CCDC171: variants seen among roughly 807,000 people sequenced by gnomAD.
The protein encoded by CCDC171 is coiled-coil domain containing 171.
In CCDC171, 177 loss-of-function variants were observed where a neutral mutation model predicts 168.2. That is an observed-to-expected ratio of 1.05 (90% confidence interval 0.93 to 1.19). CCDC171 has a LOEUF of 1.19. Ranked by LOEUF, CCDC171 falls within the 50% of genes most tolerant of loss-of-function variation. The pLI is 0.00. For synonymous variants in CCDC171, 687 were observed against 540.8 expected, an observed-to-expected ratio of 1.27 and a Z score of -3.75; for missense variants, 1,991 against 1,539.0, an observed-to-expected ratio of 1.29 and a Z score of -4.91.
intron 3 of CCDC171, among the ~76,000 whole-genome samples, chr9:15,990,259 A>G (rs1430497312): frequency 6.6e-6 from 1 of 151,326 alleles, no homozygotes; most frequent in East Asian, 1.9e-4. Context: ...CCAGAAGAGA[A>G]GTGGGGGCCA....
the CCDC171 span, among the ~76,000 whole-genome samples, chr9:16,091,392 G>C: frequency 6.6e-6 from 1 of 152,240 alleles, no homozygotes; most frequent in Non-Finnish European, 1.5e-5. Context: ...CATGCCAGAT[G>C]TTGTGGAGAG....
intron 4 of CCDC171, among the ~76,000 whole-genome samples, chr9:15,590,771 CTCTTTCTT>C (rs71506031): frequency 0.046 from 5,579 of 122,236 alleles, 148 homozygotes; most frequent in African/African-American, 0.056. Context: ...TTCTTTCTTT[CTCTTTCTT>C]TCTTTCTTTC....
At chr9:15,644,238 T>C (rs1161600496) in intron 7 of CCDC171, among the ~76,000 whole-genome samples, 1 of 152,314 alleles carries the variant, frequency 6.6e-6, no homozygotes, top group African/African-American at 2.4e-5. Flanking sequence ...TATTTTCTGT[T>C]ATTTAAATTA....
intron 23 of CCDC171, among the ~76,000 whole-genome samples, chr9:15,872,344 T>C (rs1169469): frequency 0.87 from 132,258 of 151,988 alleles, 57,593 homozygotes; most frequent in East Asian, 0.96. Flanking sequence ...CTTAACAATG[T>C]TCATAAAGTT....
intron 10 of CCDC171, among the ~76,000 whole-genome samples, chr9:15,682,978 T>TA (rs1491328117): frequency 6.6e-6 from 1 of 151,676 alleles, no homozygotes; most frequent in Non-Finnish European, 1.5e-5. Flanking sequence ...TGTGAGTTTT[T>TA]ATATCTGCTT....
At chr9:15,854,495 A>T (rs2061270895) in intron 23 of CCDC171, among the ~76,000 whole-genome samples, 1 of 151,502 alleles carries the variant, frequency 6.6e-6, no homozygotes, top group Admixed American at 6.6e-5. Flanking sequence ...AGTCTAGGTA[A>T]GGCATGCCAA....
At chr9:15,583,515 G>C (rs1285501834) in intron 4 of CCDC171, among the ~76,000 whole-genome samples, 1 of 152,092 alleles carries the variant, frequency 6.6e-6, no homozygotes, top group African/African-American at 2.4e-5. Context: ...TGGAGCTGGA[G>C]GCCATTATTC....
In CCDC171 at chr9:15,727,532, C is replaced by T. The variant is rs1260397575; in HGVS notation, c.1693-337C>T. On this transcript the variant is annotated intron_variant, in intron 14 of 25. Transcript: ENST00000380701. The stretch of plus-strand genomic sequence containing the variant: ...TAGATAGGCTTATAAACAATGAGTC[C>T]AATCCATATGCTTCGTGTGATAGCT... Among the ~76,000 whole-genome samples, 3 of 152,088 alleles carry T rather than the reference C, an allele frequency of 2.0e-5. No individual in the cohort carries two copies. In the East Asian group the frequency reaches 5.8e-4, roughly 29 times the overall value.
At chr9:15,833,635 G>A (rs2060326802) in intron 21 of CCDC171, among the ~76,000 whole-genome samples, 1 of 152,134 alleles carries the variant, frequency 6.6e-6, no homozygotes. Flanking sequence ...ATTAACTACA[G>A]TGAGGATTCT....
At chr9:15,959,031 G>T (rs1347481710) in intron 25 of CCDC171, among the ~76,000 whole-genome samples, 3 of 152,126 alleles carry the variant, frequency 2.0e-5, no homozygotes, top group African/African-American at 4.8e-5. Flanking sequence ...AGTTTATGAG[G>T]ATCAGGGTTG....
intron 9 of CCDC171, among the ~76,000 whole-genome samples, chr9:15,668,723 G>T (rs1038478774): frequency 6.6e-6 from 1 of 151,932 alleles, no homozygotes; most frequent in African/African-American, 2.4e-5. Flanking sequence ...GTGACTTGAG[G>T]GATCTACCTG....
intron 6 of CCDC171, among the ~76,000 whole-genome samples, chr9:15,603,126 C>T (rs983902308): frequency 9.2e-5 from 14 of 151,894 alleles, no homozygotes; most frequent in African/African-American, 2.2e-4. Flanking sequence ...GGCCTACAGG[C>T]GCCCGTCACC....
chr9:16,094,764 G>C, the CCDC171 span, among the ~76,000 whole-genome samples: 4 of 152,202 alleles, frequency 2.6e-5, no homozygotes, highest in Admixed American at 6.5e-5. Context: ...TAATCAGAAA[G>C]TGTTAATAAG....
At chr9:16,094,244 C>A in the CCDC171 span, among the ~76,000 whole-genome samples, 175 of 152,242 alleles carry the variant, frequency 1.1e-3, no homozygotes, top group South Asian at 2.5e-3. Flanking sequence ...CCTTTAGCAG[C>A]CATTAGGAGG....
At position 15,779,022 on chromosome 9, in the gene CCDC171, G is replaced by C; in HGVS notation, c.2953G>C (p.Ala985Pro). The C allele has an allele frequency of 6.3e-7, 1 of 1,591,518 alleles. No individual in the cohort carries two copies. The highest frequency in any genetic ancestry group is 8.5e-7 in the Non-Finnish European group (1 of 1,170,558). ...QILGFTQRLHAAEVERRSLRL... is the reference protein window; with the variant it reads ...QILGFTQRLHPAEVERRSLRL... ...ACTTGGATTTACACAAAGACTGCAT[G>C]CTGCAGAAGTGGAGCGCCGCTCACT... The change falls in exon 20 of 26, where the codon GCT becomes CCT. Residue 985 changes from alanine (A) to proline (P), a missense_variant. Coordinates refer to ENST00000380701, the MANE Select transcript of CCDC171 (RefSeq NM_173550.4).
At chr9:15,576,133 TTGTGTGTGTG>T (rs202239015) in intron 3 of CCDC171, among the ~76,000 whole-genome samples, 3 of 145,420 alleles carry the variant, frequency 2.1e-5, no homozygotes, top group South Asian at 2.2e-4. Flanking sequence ...CATATTTCAG[TTGTGTGTGTG>T]TGTGTGTGTG....
chr9:16,075,609 G>A, the CCDC171 span, among the ~76,000 whole-genome samples: 1 of 152,094 alleles, frequency 6.6e-6, no homozygotes, highest in African/African-American at 2.4e-5. Flanking sequence ...TCCTAAAGAG[G>A]GACAGGGTAA....
At chr9:15,950,276 C>G (rs1232449893) in intron 25 of CCDC171, among the ~76,000 whole-genome samples, 1 of 151,994 alleles carries the variant, frequency 6.6e-6, no homozygotes, top group African/African-American at 2.4e-5. Flanking sequence ...ACAGAGAACA[C>G]CACAAAGATA....
At chr9:15,697,856 A>G (rs2051334757) in intron 11 of CCDC171, among the ~76,000 whole-genome samples, 1 of 152,158 alleles carries the variant, frequency 6.6e-6, no homozygotes. Flanking sequence ...TTTGTTACCT[A>G]AAAAATGGAT....
Sources: allele counts gnomAD v4.1 joint callset (sites outside exome capture counted in the v4.1 genomes callset), GRCh38; gene constraint gnomAD v4.1.1; transcripts MANE v1.5; gene names NCBI Gene and HGNC (gene_info 2026-07-23, HGNC 2026-07-21).